DNAH12: variants seen among roughly 807,000 people sequenced by gnomAD.
DNAH12 encodes axonemal beta dynein heavy chain 12.
A neutral mutation model predicts 371.5 loss-of-function variants in DNAH12; 285 were observed. That is an observed-to-expected ratio of 0.77 (90% CI 0.70 to 0.85). The LOEUF (loss-of-function observed/expected upper bound fraction) is 0.85, where lower values mean the gene tolerates loss of function less well. DNAH12 is among the 40% of genes least tolerant of loss of function. The probability of loss-of-function intolerance (pLI) is 0.00; values close to 1 mark genes in which losing one functional copy is unlikely to be tolerated. For missense variants in DNAH12, 3,611 were observed against 3,689.4 expected, an observed-to-expected ratio of 0.98 and a Z score of 0.55; for synonymous variants, 1,200 against 1,213.0, an observed-to-expected ratio of 0.99 and a Z score of 0.22.
rs1429588585 is a variant in DNAH12, at chr3:57,387,195, G to A, written c.7330C>T (p.Arg2444Cys). The stretch of plus-strand genomic sequence containing the variant: ...GTTTCTAAGAATTTCACAGCTACAC[G>A]TTCAAGAGCATCTTCAGGCCATGAC... ...FQSWPEDALE[R>C]VAVKFLETLE... is the part of the protein sequence containing the mutation. Residue 2444 changes from arginine to cysteine, a missense_variant, in exon 46 of 74, where the codon CGT (arginine) becomes TGT (cysteine). Coordinates refer to ENST00000495027, the MANE Select transcript of DNAH12 (RefSeq NM_001366028.2). The A allele has an allele frequency of 3.3e-5, 5 of 152,202 alleles. No homozygotes were observed. The highest frequency in any genetic ancestry group is 2.6e-4 in the Admixed American group (4 of 15,290). 9.4% of individuals were successfully genotyped at this position (152,202 alleles called of 1,614,324 possible). A position where few individuals can be genotyped will look rare whatever the true frequency, so the allele number is the denominator to read the frequency against.
intron 51 of DNAH12, among the ~76,000 whole-genome samples, chr3:57,379,546 A>T: frequency 6.6e-6 from 1 of 152,130 alleles, no homozygotes; most frequent in Non-Finnish European, 1.5e-5. Flanking sequence ...ATATTAAAAG[A>T]CTTACAAGTT....
chr3:57,483,099 GAAAAAA>G (rs57454657), intron 13 of DNAH12, among the ~76,000 whole-genome samples: 1 of 135,560 alleles, frequency 7.4e-6, no homozygotes, highest in Non-Finnish European at 1.6e-5. Flanking sequence ...GTGCAACATT[GAAAAAA>G]AAAAAAAAAA....
chr3:57,310,933 A>C lies in DNAH12; in HGVS notation c.10680T>G (p.Tyr3560Ter). 1 of 1,547,914 alleles carries C rather than the reference A, an allele frequency of 6.5e-7. No individual in the cohort carries two copies. Among genetic ancestry groups the C allele is most frequent in the Non-Finnish European group, 8.7e-7 (1 of 1,144,536 alleles). The change falls in exon 67 of 74, where the codon TAT becomes TAG. Residue 3560 changes from tyrosine (Y) to a stop codon, truncating the protein, a stop_gained. Transcript: ENST00000495027. LOFTEE classifies it high-confidence loss of function. ...IRQLQLFINE[Y>*]DTIPFEAISY... ...ATATAGCTTCAAATGGAATTGTATCATATTCATTGATAAATAACTGAAGCA... is the reference window on the plus strand; with the variant it reads ...ATATAGCTTCAAATGGAATTGTATCCTATTCATTGATAAATAACTGAAGCA...
At chr3:57,521,507 A>AT (rs1014030011) in intron 4 of DNAH12, among the ~76,000 whole-genome samples, 3 of 152,178 alleles carry the variant, frequency 2.0e-5, no homozygotes, top group Non-Finnish European at 4.4e-5. Flanking sequence ...CTAAAAAAAA[A>AT]GAAAAAAGAA....
intron 17 of DNAH12, among the ~76,000 whole-genome samples, chr3:57,466,874 T>TCCCACCCAGCCCTC (rs2066218315): frequency 6.6e-6 from 1 of 151,868 alleles, no homozygotes; most frequent in African/African-American, 2.4e-5. Flanking sequence ...GCCTCCCGAG[T>TCCCACCCAGCCCTC]AGCTGGGACT....
intron 12 of DNAH12, among the ~76,000 whole-genome samples, chr3:57,486,190 A>AG (rs2153384475): frequency 6.6e-6 from 1 of 152,110 alleles, no homozygotes; most frequent in East Asian, 1.9e-4. Flanking sequence ...TCAAAAAAAA[A>AG]AAAAAGAATT....
intron 13 of DNAH12, among the ~76,000 whole-genome samples, chr3:57,477,439 G>A (rs1210760518): frequency 6.6e-6 from 1 of 152,158 alleles, no homozygotes; most frequent in African/African-American, 2.4e-5. Context: ...GCTCGAACTG[G>A]GTGGAGTGCA....
intron 45 of DNAH12, among the ~76,000 whole-genome samples, chr3:57,387,578 C>G (rs1159445239): frequency 6.6e-6 from 1 of 152,048 alleles, no homozygotes; most frequent in African/African-American, 2.4e-5. Flanking sequence ...TATCTACTAG[C>G]CCCTTCTTCC....
chr3:57,452,528 C>A (rs1366596748), intron 25 of DNAH12, among the ~76,000 whole-genome samples: 1 of 152,126 alleles, frequency 6.6e-6, no homozygotes, highest in Non-Finnish European at 1.5e-5. Context: ...TGTCATCTCT[C>A]CCAAGACGCC....
At chr3:57,552,557 T>TG in the DNAH12 span, among the ~76,000 whole-genome samples, 1 of 152,050 alleles carries the variant, frequency 6.6e-6, no homozygotes, top group Non-Finnish European at 1.5e-5. Context: ...ATGTTATTTA[T>TG]TTATTTATTT....
chr3:57,378,774 G>A (rs1251951207), intron 52 of DNAH12, among the ~76,000 whole-genome samples: 1 of 152,046 alleles, frequency 6.6e-6, no homozygotes, highest in Non-Finnish European at 1.5e-5. Context: ...TAACTCTGCT[G>A]GATCCTCTTA....
intron 11 of DNAH12, 115 bp from the exon 12 acceptor site, chr3:57,489,802 C>T: frequency 1.8e-6 from 2 of 1,100,224 alleles, no homozygotes; most frequent in Non-Finnish European, 2.5e-6. Flanking sequence ...TTCTTTTTTG[C>T]TAAGTGACTA....
At chr3:57,426,242 A>G (rs2064764287) in intron 34 of DNAH12, among the ~76,000 whole-genome samples, 1 of 152,184 alleles carries the variant, frequency 6.6e-6, no homozygotes, top group Non-Finnish European at 1.5e-5. Flanking sequence ...AATACACAAG[A>G]GTCAGATCCT....
chr3:57,334,894 C>A lies in DNAH12; in HGVS notation c.9721G>T (p.Gly3241Ter). The A allele has an allele frequency of 6.4e-7, 1 of 1,551,618 alleles. No individual in the cohort carries two copies. Among genetic ancestry groups the A allele is most frequent in the Non-Finnish European group, 8.7e-7 (1 of 1,146,980 alleles). ...EYQELMFLLT[G>*]GVSLKSAEKN... ...TCAGCACTTTTAAGACTTACTCCTC[C>A]AGTTAAAAGAAACATCAGTTCCTGG... is the stretch of plus-strand genomic sequence containing the variant. The change falls in exon 61 of 74, where the codon GGA becomes TGA. Residue 3241 changes from glycine (G) to a stop codon, truncating the protein, a stop_gained. Transcript: ENST00000495027. LOFTEE classifies it high-confidence loss of function.
Position 57,357,723 on chromosome 3 carries a change from T to C in DNAH12, c.9361-375A>G, listed in dbSNP as rs1431934014. ...GACTGACCTGTGTCTACTGTAGTCA[T>C]TCACCTTCTTTTATCTTAACAGGTC... is the stretch of plus-strand genomic sequence containing the variant. On this transcript the variant is annotated intron_variant, in intron 58 of 73. Coordinates refer to ENST00000495027, the MANE Select transcript of DNAH12 (RefSeq NM_001366028.2). 2.6e-5 allele frequency among the ~76,000 whole-genome samples: 4 copies of C among 152,318 alleles called. No homozygotes were observed. In the East Asian group the frequency reaches 5.8e-4, roughly 22 times the overall value.
In DNAH12 at chr3:57,495,324, C is replaced by T. The variant is rs572439977; in HGVS notation, c.1336-5637G>A. On this transcript the variant is annotated intron_variant, in intron 11 of 73. Transcript: ENST00000495027. ...CTGTAATCCTAGCATTTTGGGAGGC[C>T]GAGGTGGGCAGATCACCTGAGGTCA... is the stretch of plus-strand genomic sequence containing the variant. 7.4e-5 allele frequency among the ~76,000 whole-genome samples: 11 copies of T among 147,780 alleles called. 1 individual carries two copies. Among genetic ancestry groups the T allele is most frequent in the South Asian group, 2.1e-4 (1 of 4,808 alleles).
At chr3:57,303,340 A>AC (rs1491350637) in intron 69 of DNAH12, among the ~76,000 whole-genome samples, 1 of 76,810 alleles carries the variant, frequency 1.3e-5, no homozygotes, top group Non-Finnish European at 2.7e-5. Flanking sequence ...ACGCCAGCTC[A>AC]AAAAAAAAAA....
At chr3:57,553,946 T>C in the DNAH12 span, among the ~76,000 whole-genome samples, 1 of 151,056 alleles carries the variant, frequency 6.6e-6, no homozygotes, top group Non-Finnish European at 1.5e-5. Context: ...TGCCTCGGCC[T>C]CCTGAGTAGC....
At chr3:57,302,567 A>ATATATATATATATATTTT (rs2061380979) in intron 69 of DNAH12, among the ~76,000 whole-genome samples, 2 of 27,482 alleles carry the variant, frequency 7.3e-5, no homozygotes, top group African/African-American at 1.3e-4. Flanking sequence ...ATATATATGT[A>ATATATATATATATATTTT]TTTTTTTTTT....
Sources: gnomAD v4.1 joint callset for allele counts (sites outside exome capture counted in the v4.1 genomes callset) on GRCh38, gnomAD v4.1.1 for gene constraint, MANE v1.5 for transcripts, NCBI Gene and HGNC (gene_info 2026-07-23, HGNC 2026-07-21) for gene names.